Variants in TEX52 observed in about 807,000 individuals in gnomAD.
TEX52 encodes testis-expressed protein 52.
TEX52 carries 22 observed loss-of-function variants against 17.6 expected under a neutral mutation model. The ratio of observed to expected loss-of-function variants is 1.25; its 90% CI spans 0.89 to 1.78. TEX52 has a LOEUF of 1.78. Ranked by LOEUF, TEX52 falls within the 40% of genes most tolerant of loss-of-function variation. The pLI, the probability that TEX52 is intolerant of heterozygous loss-of-function variation, is 0.00. For synonymous variants in TEX52, 168 were observed against 147.4 expected (o/e 1.14, Z -1.01); for missense variants, 396 against 372.3 (o/e 1.06, Z -0.52).
chr12:2,854,284 T>C (rs1439673017), intron 2 of TEX52, among the ~76,000 whole-genome samples: 2 of 152,166 alleles, frequency 1.3e-5, no homozygotes, highest in Non-Finnish European at 2.9e-5. Context: ...CTCGGCCTCC[T>C]AAAGTTCTGG....
chr12:2,852,420 G>A (rs775768359), intron 2 of TEX52, among the ~76,000 whole-genome samples: 5 of 152,058 alleles, frequency 3.3e-5, no homozygotes, highest in African/African-American at 1.2e-4. Flanking sequence ...AGCCTGGAGT[G>A]CAGTGGCACA....
intron 2 of TEX52, 33 bp from the exon 3 acceptor site, chr12:2,849,558 G>A: frequency 6.5e-7 from 1 of 1,534,892 alleles, no homozygotes; most frequent in Non-Finnish European, 8.7e-7. Context: ...AGAACAGAGA[G>A]ATCAAAGAAG....
In TEX52 at chr12:2,851,835, C is replaced by T. The variant is rs1218309594; in HGVS notation, c.624-2310G>A. ...CTGGGATTACAGGCATGTGCCACCACGCCTGACTAATTTTTGTATTTGTAG... is the reference window on the plus strand; with the variant it reads ...CTGGGATTACAGGCATGTGCCACCATGCCTGACTAATTTTTGTATTTGTAG... On this transcript the variant is annotated intron_variant, in intron 2 of 2. Transcript: ENST00000637658. Among the ~76,000 whole-genome samples the T allele has an allele frequency of 2.6e-5, 4 of 151,706 alleles. No homozygotes were observed. In the East Asian group the frequency reaches 7.8e-4, roughly 30 times the overall value.
chr12:2,851,035 C>A (rs190141629), intron 2 of TEX52, among the ~76,000 whole-genome samples: 83 of 126,122 alleles, frequency 6.6e-4, no homozygotes, highest in African/African-American at 2.5e-3. Flanking sequence ...GGCATGGTGG[C>A]ACGTGCCTGT....
rs149606789 is a variant in TEX52, at chr12:2,849,509, C to T, written c.640G>A (p.Ala214Thr). Residue 214 changes from alanine (A) to threonine (T), a missense_variant, in exon 3 of 3, where the codon GCT becomes ACT. Physicochemically the swap from Ala to Thr is moderately conservative, Grantham distance 58 (BLOSUM62 0). Coordinates refer to ENST00000637658, the MANE Select transcript of TEX52 (RefSeq NM_001365174.2). Reference protein sequence around the residue: ...ASFKKYRHISAGGRFEPQGLQ... With the variant: ...ASFKKYRHISTGGRFEPQGLQ... The stretch of plus-strand genomic sequence containing the variant: ...CCCTGGGGTTCAAACCTCCCACCAG[C>T]GGATATGTGCCGGTACCTGTTGGGA... 3.7e-5 allele frequency: 57 copies of T among 1,536,056 alleles called. 1 individual carries two copies. In the Middle Eastern group the frequency reaches 1.7e-3, roughly 45 times the overall value.
chr12:2,848,710 C>G (rs2098060023), downstream of TEX52, among the ~76,000 whole-genome samples: 1 of 152,210 alleles, frequency 6.6e-6, no homozygotes, highest in Non-Finnish European at 1.5e-5. Flanking sequence ...GTCCAGACAT[C>G]AAATGGTCCA....
intron 1 of TEX52, among the ~76,000 whole-genome samples, chr12:2,856,216 C>G (rs2098086738): frequency 6.6e-6 from 1 of 152,180 alleles, no homozygotes; most frequent in East Asian, 1.9e-4. Context: ...GTGCTGGTGC[C>G]TGAGTGACAG....
At chr12:2,849,806 C>T (rs1186809357) in intron 2 of TEX52, among the ~76,000 whole-genome samples, 2 of 152,150 alleles carry the variant, frequency 1.3e-5, no homozygotes, top group Non-Finnish European at 1.5e-5. Flanking sequence ...TGATCCAGAT[C>T]CCAATCCAGA....
rs576751849 is a variant in TEX52 at position 2,855,472 on chromosome 12, G to A, written c.73-26C>T. The A allele has an allele frequency of 3.1e-5, 44 of 1,402,410 alleles. No individual in the cohort carries two copies. In the East Asian group the frequency reaches 1.1e-3, roughly 34 times the overall value. The allele number at this position is 1,402,410 out of a possible 1,614,324, so 86.9% of individuals were successfully genotyped here. A position where few individuals can be genotyped will look rare whatever the true frequency, so the allele number is the denominator to read the frequency against. On this transcript the variant is annotated intron_variant, in intron 1 of 2. Coordinates refer to ENST00000637658, the MANE Select transcript of TEX52 (RefSeq NM_001365174.2). ...CTAGGGAGAGACAAAAGGGAGCCTG[G>A]GGAAGGTTGTGCAGACAGGGGTGCA...
Position 2,849,131 on chromosome 12 carries a change from G to A in TEX52, c.*100C>T. ...GAGAGGCTGTTCTGCAGAAGCCAGA[G>A]TCCTTTTGCTACCCCAGGGCCTCTT... is the stretch of plus-strand genomic sequence containing the variant. On this transcript the variant is annotated 3_prime_UTR_variant, in exon 3 of 3. Coordinates refer to ENST00000637658, the MANE Select transcript of TEX52 (RefSeq NM_001365174.2). The A allele has an allele frequency of 7.9e-7, 1 of 1,271,496 alleles. No homozygotes were observed. The highest frequency in any genetic ancestry group is 1.6e-5 in the South Asian group (1 of 64,280). The allele number at this position is 1,271,496 out of a possible 1,614,324, so 78.8% of individuals were successfully genotyped here.
intron 1 of TEX52, 149 bp from the exon 2 acceptor site, chr12:2,855,595 C>T (rs1050045687): frequency 1.9e-6 from 1 of 525,432 alleles, no homozygotes; most frequent in Non-Finnish European, 3.2e-6. Flanking sequence ...GGCCGCATCT[C>T]CATCCCTCTC....
intron 2 of TEX52, 150 bp from the exon 3 acceptor site, chr12:2,849,675 C>T (rs1017712586): frequency 1.1e-5 from 10 of 871,012 alleles, no homozygotes; most frequent in Middle Eastern, 3.4e-4. Flanking sequence ...TCCACCTAAT[C>T]GGATATTGAC....
At chr12:2,854,845 T>C (rs1247501900) in intron 2 of TEX52, 51 bp downstream of exon 2, 2 of 1,468,824 alleles carry the variant, frequency 1.4e-6, no homozygotes, top group Non-Finnish European at 1.8e-6. Context: ...GAGGGAGGGG[T>C]CACCTGGGCA....
At position 2,855,172 on chromosome 12, in the gene TEX52, T is replaced by C. The variant is rs1398533498; in HGVS notation, c.347A>G (p.Tyr116Cys). 2.0e-6 allele frequency: 3 copies of C among 1,516,774 alleles called. No individual in the cohort carries two copies. The South Asian group carries it at 3.7e-5, about 19-fold the overall frequency. 94.0% of individuals were successfully genotyped at this position (1,516,774 alleles called of 1,614,324 possible). A position where few individuals can be genotyped will look rare whatever the true frequency, so the allele number is the denominator to read the frequency against. ...CAGCCAGCGCCAGACATTGCTATCG[T>C]AGGGCCTGTCAGGCTGGGTGGGGAA... Reference protein sequence around the residue: ...ATFPTQPDRPYDSNVWRWLTD... With the variant: ...ATFPTQPDRPCDSNVWRWLTD... The change falls in exon 2 of 3, where the codon TAC becomes TGC. Residue 116 changes from tyrosine to cysteine, a missense_variant. By Grantham distance (194) the Tyr-to-Cys change is radical. Transcript: ENST00000637658.
At chr12:2,854,171 A>T (rs1056661385) in intron 2 of TEX52, among the ~76,000 whole-genome samples, 1 of 151,848 alleles carries the variant, frequency 6.6e-6, no homozygotes, top group African/African-American at 2.4e-5. Flanking sequence ...GATTGCAGGC[A>T]CCCATCACCA....
rs1344470134 is a variant in TEX52, at chr12:2,856,807, A to G, written c.72+148T>C. 4 of 625,892 alleles carry G rather than the reference A, an allele frequency of 6.4e-6. No individual in the cohort carries two copies. In the South Asian group the frequency reaches 7.3e-5, roughly 11 times the overall value. 38.8% of individuals were successfully genotyped at this position (625,892 alleles called of 1,614,324 possible). On this transcript the variant is annotated intron_variant, in intron 1 of 2. Transcript: ENST00000637658. Reference sequence around the variant, plus strand: ...TCTCTGTTCTGAGCTCTGGGTTCCTAGTGTCATAGGATGAAAAGGGGAAGA... The same window carrying G: ...TCTCTGTTCTGAGCTCTGGGTTCCTGGTGTCATAGGATGAAAAGGGGAAGA...
intron 2 of TEX52, among the ~76,000 whole-genome samples, chr12:2,853,650 A>T: frequency 6.6e-6 from 1 of 151,304 alleles, no homozygotes. Flanking sequence ...CAGCCACTCC[A>T]ACTCCCCAGT....
rs1364726149 is a variant in TEX52, at chr12:2,849,323, C to T, written c.826G>A (p.Asp276Asn). 8 of 1,536,088 alleles carry T rather than the reference C, an allele frequency of 5.2e-6. No homozygotes were observed. In the Admixed American group the frequency reaches 1.6e-4, roughly 30 times the overall value. ...LIRDFQTLIK[D>N]RTALPLHHLS... Reference sequence around the variant, plus strand: ...TGGTGGAGGGGTAAGGCAGTTCTGTCCTTTATCAGGGTTTGGAAATCCCTT... The same window carrying T: ...TGGTGGAGGGGTAAGGCAGTTCTGTTCTTTATCAGGGTTTGGAAATCCCTT... The change falls in exon 3 of 3, where the codon GAC becomes AAC. Residue 276 changes from aspartate to asparagine, a missense_variant. Asp to Asn is a conservative substitution (Grantham distance 23). Coordinates refer to ENST00000637658, the MANE Select transcript of TEX52 (RefSeq NM_001365174.2).
At position 2,854,876 on chromosome 12, in the gene TEX52, CTGAGGAGGCACCGTCTTACTTCT is replaced by C. The variant is rs1044510491; in HGVS notation, c.620_623+19del. 1 of 1,518,052 alleles carries C rather than the reference CTGAGGAGGCACCGTCTTACTTCT, an allele frequency of 6.6e-7. No homozygotes were observed. The highest frequency in any genetic ancestry group is 1.4e-5 in the African/African-American group (1 of 72,544). 94.0% of individuals were successfully genotyped at this position (1,518,052 alleles called of 1,614,324 possible). ...GGGCAGGGCAGGCTGGGTGGGCTCCCTGAGGAGGCACCGTCTTACTTCTTGAAGCTCGCTGGCGGCTGGATGTT... is the reference window on the plus strand; with the variant it reads ...GGGCAGGGCAGGCTGGGTGGGCTCCCTGAAGCTCGCTGGCGGCTGGATGTT... On this transcript the variant is annotated splice_donor_variant and splice_donor_5th_base_variant and coding_sequence_variant and intron_variant, in exon 2 of 3. Transcript: ENST00000637658. LOFTEE classifies it high-confidence loss of function.
Sources: gnomAD v4.1 joint callset for allele counts (sites outside exome capture counted in the v4.1 genomes callset) on GRCh38, gnomAD v4.1.1 for gene constraint, MANE v1.5 for transcripts, NCBI Gene and HGNC (gene_info 2026-07-23, HGNC 2026-07-21) for gene names.